Variants in NOL4 observed in about 807,000 individuals in gnomAD.
NOL4 encodes cancer/testis antigen 125.
Under a neutral mutation model 75.9 loss-of-function variants are expected in NOL4, and 17 were observed. The observed-to-expected ratio is 0.22, with a 90% CI of 0.15 to 0.34. NOL4 has a LOEUF of 0.34. Ranked by LOEUF, NOL4 falls within the 10% of genes least tolerant of loss-of-function variation. The pLI is 1.00. For synonymous variants in NOL4, 292 were observed against 289.9 expected, an observed-to-expected ratio of 1.01 and a Z score of -0.07; for missense variants, 614 against 793.5, an observed-to-expected ratio of 0.77 and a Z score of 2.72.
At chr18:34,005,440 G>T (rs556935528) in intron 6 of NOL4, among the ~76,000 whole-genome samples, 21 of 151,806 alleles carry the variant, frequency 1.4e-4, no homozygotes, top group Non-Finnish European at 3.1e-4. Context: ...TTCCCTTATG[G>T]CAACCTGGTG....
intron 9 of NOL4, among the ~76,000 whole-genome samples, chr18:33,942,791 T>A (rs2068583147): frequency 6.6e-6 from 1 of 151,924 alleles, no homozygotes; most frequent in Admixed American, 6.6e-5. Flanking sequence ...AACCTCTTAA[T>A]AAGTAATTGA....
intron 5 of NOL4, among the ~76,000 whole-genome samples, chr18:34,073,460 A>G (rs1412344722): frequency 6.6e-6 from 1 of 152,108 alleles, no homozygotes; most frequent in Non-Finnish European, 1.5e-5. Flanking sequence ...ATACTCCAGT[A>G]TACTTTAAAT....
At chr18:34,159,754 C>T (rs1223448670) in intron 1 of NOL4, among the ~76,000 whole-genome samples, 1 of 152,126 alleles carries the variant, frequency 6.6e-6, no homozygotes, top group Admixed American at 6.5e-5. Flanking sequence ...ACGCCGGATC[C>T]TTTCTCCCTT....
intron 5 of NOL4, among the ~76,000 whole-genome samples, chr18:34,088,994 TC>T (rs552400346): frequency 6.6e-6 from 1 of 152,248 alleles, no homozygotes; most frequent in South Asian, 2.1e-4. Context: ...TTTCACCTTT[TC>T]TGAGTGTATA....
In NOL4 at chr18:34,222,533, A is replaced by G. The variant is rs558406200; in HGVS notation, c.264+457T>C. The G allele has an allele frequency of 1.4e-5, 11 of 784,800 alleles. 1 individual carries two copies. In the South Asian group the frequency reaches 6.4e-4, roughly 46 times the overall value. 48.6% of individuals were successfully genotyped at this position (784,800 alleles called of 1,614,324 possible). ...TAGCGCTACATTCGGGCTTTATGCC[A>G]ATAAGGAGACACTGTAGACTATCGA... On this transcript the variant is annotated intron_variant, in intron 1 of 10. Transcript: ENST00000261592.
intron 1 of NOL4, among the ~76,000 whole-genome samples, chr18:34,208,135 G>C (rs1176085252): frequency 1.3e-5 from 2 of 152,082 alleles, no homozygotes; most frequent in Non-Finnish European, 2.9e-5. Context: ...AAGGGGGCAG[G>C]GCAAAGGAAA....
In NOL4 at chr18:33,852,700, G is replaced by A. The variant is rs761924280; in HGVS notation, c.*142C>T. The stretch of plus-strand genomic sequence containing the variant: ...TGAAGCACCTTAACACATCACTTAC[G>A]GATCAAGGACAATGTGGCATAATGG... On this transcript the variant is annotated 3_prime_UTR_variant, in exon 11 of 11. Coordinates refer to ENST00000261592, the MANE Select transcript of NOL4 (RefSeq NM_003787.5). 2.9e-5 allele frequency: 21 copies of A among 729,476 alleles called. No individual in the cohort carries two copies. The highest frequency in any genetic ancestry group is 3.7e-5 in the Non-Finnish European group (17 of 454,556). The allele number at this position is 729,476 out of a possible 1,614,324, so 45.2% of individuals were successfully genotyped here.
intron 1 of NOL4, among the ~76,000 whole-genome samples, chr18:34,140,708 T>C (rs868034722): frequency 1.6e-4 from 25 of 152,322 alleles, no homozygotes; most frequent in Non-Finnish European, 3.2e-4. Flanking sequence ...ATGTGTGAAT[T>C]TGATCCTGTC....
chr18:34,116,579 AC>A (rs1230662565), intron 2 of NOL4, among the ~76,000 whole-genome samples: 1 of 152,216 alleles, frequency 6.6e-6, no homozygotes, highest in Admixed American at 6.5e-5. Context: ...AATATATAAT[AC>A]TAAAGTTTTT....
intron 1 of NOL4, among the ~76,000 whole-genome samples, chr18:34,148,911 T>C (rs767934059): frequency 8.6e-5 from 13 of 151,950 alleles, no homozygotes; most frequent in Non-Finnish European, 1.6e-4. Context: ...TGGGTGCATA[T>C]ATATTTAGGA....
intron 1 of NOL4, chr18:34,221,062 ATCCT>A (rs2037266218): frequency 6.6e-6 from 1 of 152,188 alleles, no homozygotes; most frequent in African/African-American, 2.4e-5. Flanking sequence ...AAAATAGTCA[ATCCT>A]TTAAAAGGAC....
At chr18:34,093,628 T>G (rs185610621) in intron 4 of NOL4, 31 bp from the exon 5 acceptor site, 661 of 1,518,140 alleles carry the variant, frequency 4.4e-4, no homozygotes, top group Middle Eastern at 2.8e-3. Flanking sequence ...TCATCAAGCA[T>G]TTTAACGTAT....
chr18:34,169,239 C>T (rs1600784433), intron 1 of NOL4, among the ~76,000 whole-genome samples: 1 of 151,664 alleles, frequency 6.6e-6, no homozygotes, highest in South Asian at 2.1e-4. Context: ...TGGGATTTAT[C>T]ACATATGTAT....
At chr18:33,881,179 T>C (rs932580576) in intron 10 of NOL4, among the ~76,000 whole-genome samples, 54 of 151,356 alleles carry the variant, frequency 3.6e-4, no homozygotes, top group African/African-American at 1.2e-3. Flanking sequence ...CTGTTGCTGG[T>C]GTATAAGAAT....
intron 6 of NOL4, among the ~76,000 whole-genome samples, chr18:33,964,696 A>G (rs1340082450): frequency 2.0e-5 from 3 of 152,160 alleles, no homozygotes; most frequent in African/African-American, 7.2e-5. Context: ...ATGTAGGCCC[A>G]GCAATCTGTG....
chr18:34,164,939 T>C (rs958780487), intron 1 of NOL4, among the ~76,000 whole-genome samples: 20 of 151,844 alleles, frequency 1.3e-4, no homozygotes, highest in Non-Finnish European at 2.4e-4. Context: ...ATGTCCTTTG[T>C]AGGGACATGG....
chr18:33,861,455 G>T (rs1046014744), intron 10 of NOL4, among the ~76,000 whole-genome samples: 53 of 152,208 alleles, frequency 3.5e-4, no homozygotes, highest in East Asian at 1.2e-3. Context: ...ATGGTAGTTT[G>T]TATTTCTGTG....
intron 1 of NOL4, among the ~76,000 whole-genome samples, chr18:34,159,823 G>C (rs898015518): frequency 6.6e-6 from 1 of 152,064 alleles, no homozygotes; most frequent in Non-Finnish European, 1.5e-5. Context: ...CTTCAGAAAA[G>C]GTTGCCCGCT....
At chr18:34,086,836 G>A (rs1248900313) in intron 5 of NOL4, among the ~76,000 whole-genome samples, 1 of 152,080 alleles carries the variant, frequency 6.6e-6, no homozygotes, top group African/African-American at 2.4e-5. Context: ...ATTTCTTAGA[G>A]TAGAATAGGA....
Sources: gnomAD v4.1 joint callset for allele counts (sites outside exome capture counted in the v4.1 genomes callset) on GRCh38, gnomAD v4.1.1 for gene constraint, MANE v1.5 for transcripts, NCBI Gene and HGNC (gene_info 2026-07-23, HGNC 2026-07-21) for gene names.